SPG7: variants seen among roughly 807,000 people sequenced by gnomAD.
SPG7 encodes mitochondrial inner membrane m-AAA protease component paraplegin.
A neutral mutation model predicts 81.9 loss-of-function variants in SPG7; 103 were observed. The ratio of observed to expected loss-of-function variants is 1.26; its 90% CI spans 1.07 to 1.48. The LOEUF (loss-of-function observed/expected upper bound fraction) is 1.48. Among genes scored for constraint, SPG7 ranks in the 40% most tolerant of loss-of-function variants. The probability of loss-of-function intolerance (pLI) is 0.00; values close to 1 mark genes in which losing one functional copy is unlikely to be tolerated. For missense variants in SPG7, 1,241 were observed against 1,087.3 expected (o/e 1.14, Z -1.99); for synonymous variants, 534 against 444.2 (o/e 1.20, Z -2.54).
chr16:89,510,358 T>G (rs3922634), intron 1 of SPG7, 132 bp from the exon 2 acceptor site: 4 of 667,992 alleles, frequency 6.0e-6, no homozygotes, highest in Non-Finnish European at 1.1e-5. Flanking sequence ...ACTATTACTT[T>G]ATATTTCAGG....
intron 5 of SPG7, chr16:89,526,702 C>T: frequency 2.1e-6 from 1 of 480,974 alleles, no homozygotes; most frequent in Non-Finnish European, 3.8e-6. Flanking sequence ...GATACCAGCA[C>T]CTGAGGATGC....
At chr16:89,542,215 A>G (rs985490928) in intron 9 of SPG7, 4 of 152,240 alleles carry the variant, frequency 2.6e-5, no homozygotes, top group South Asian at 2.1e-4. Context: ...TGTTTATACA[A>G]TCTTTCAGAA....
chr16:89,524,288 C>T lies in SPG7; in HGVS notation c.618+41C>T, dbSNP rs771940655. ...GGAGGCCTGTGAGTGAGGGTGTGGGCACAGGCTGGCAGCCTGTGAGAGTGA... is the reference window on the plus strand; with the variant it reads ...GGAGGCCTGTGAGTGAGGGTGTGGGTACAGGCTGGCAGCCTGTGAGAGTGA... On this transcript the variant is annotated intron_variant, in intron 4 of 16. Transcript: ENST00000645818. 7.4e-5 allele frequency: 117 copies of T among 1,583,234 alleles called. No homozygotes were observed. In the Admixed American group the frequency reaches 1.9e-3, roughly 26 times the overall value.
Position 89,553,453 on chromosome 16 carries a change from C to T in SPG7, c.1936+318C>T, listed in dbSNP as rs1283684962. The T allele has an allele frequency of 9.5e-6, 5 of 524,312 alleles. No individual in the cohort carries two copies. In the African/African-American group the frequency reaches 9.5e-5, roughly 10 times the overall value. 32.5% of individuals were successfully genotyped at this position (524,312 alleles called of 1,614,324 possible). ...TGAAGCCATTACTGCACTGGGATAT[C>T]CAGAGAGCTGAAGGAGGGTCCCGGG... On this transcript the variant is annotated intron_variant, in intron 14 of 16. Transcript: ENST00000645818.
At chr16:89,517,602 G>C (rs2058118435) in intron 3 of SPG7, 1 of 150,734 alleles carries the variant, frequency 6.6e-6, no homozygotes, top group African/African-American at 2.4e-5. Flanking sequence ...CTGCATCTGA[G>C]TAATTGTCGT....
In SPG7 at chr16:89,532,660, C is replaced by T. The variant is rs747921427; in HGVS notation, c.1324+24C>T. On this transcript the variant is annotated intron_variant, in intron 9 of 16. Transcript: ENST00000645818. ...TGGTCAGTGCTCGTGCGCCCCGCACCCCCATTGCACCATCAGAGGAGGTTT... is the reference window on the plus strand; with the variant it reads ...TGGTCAGTGCTCGTGCGCCCCGCACTCCCATTGCACCATCAGAGGAGGTTT... The T allele has an allele frequency of 1.9e-6, 3 of 1,612,402 alleles. No homozygotes were observed. The South Asian group carries it at 3.3e-5, about 18-fold the overall frequency.
chr16:89,554,761 C>CG, intron 16 of SPG7, 198 bp downstream of exon 16: 1 of 584,004 alleles, frequency 1.7e-6, no homozygotes, highest in Non-Finnish European at 3.1e-6. Flanking sequence ...TGTGTTCCCC[C>CG]GAGGTAGAAA....
rs772969307 is a variant in SPG7 at position 89,524,139 on chromosome 16, T to C, written c.510T>C (p.Phe170=). 1 of 1,614,104 alleles carries C rather than the reference T, an allele frequency of 6.2e-7. No individual in the cohort carries two copies. Among genetic ancestry groups the C allele is most frequent in the South Asian group, 1.1e-5 (1 of 91,078 alleles). The change falls in exon 4 of 17, where the codon TTT becomes TTC. Residue 170 remains phenylalanine (F), a synonymous_variant. Transcript: ENST00000645818. The stretch of plus-strand genomic sequence containing the variant: ...GAGGCAGCATTTCCTGGAACGACTT[T>C]GTCCACGAGATGCTGGCCAAGGGCG... ...TSGGSISWND[F]VHEMLAKGEV...
At chr16:89,526,571 T>G in intron 5 of SPG7, 103 bp downstream of exon 5, 1 of 1,272,122 alleles carries the variant, frequency 7.9e-7, no homozygotes, top group Non-Finnish European at 1.1e-6. Flanking sequence ...TTGCCTATAG[T>G]TAACTAGACT....
intron 5 of SPG7, chr16:89,527,170 G>A (rs2058275660): frequency 6.4e-6 from 1 of 155,372 alleles, no homozygotes; most frequent in African/African-American, 2.4e-5. Flanking sequence ...GAGTATAGAT[G>A]CACGTTTTTC....
At chr16:89,554,025 C>T (rs965909311) in intron 15 of SPG7, 65 bp downstream of exon 15, 11 of 1,569,736 alleles carry the variant, frequency 7.0e-6, no homozygotes, top group Non-Finnish European at 9.6e-6. Flanking sequence ...CTGGGTCTAC[C>T]ACACAAGGGT....
intron 8 of SPG7, 59 bp from the exon 9 acceptor site, chr16:89,532,404 G>C: frequency 6.3e-7 from 1 of 1,588,912 alleles, no homozygotes; most frequent in Non-Finnish European, 8.6e-7. Context: ...CCCGGGTACA[G>C]GAAGAGGCTT....
At chr16:89,512,858 C>A in intron 2 of SPG7, 90 bp from the exon 3 acceptor site, 1 of 1,442,692 alleles carries the variant, frequency 6.9e-7, no homozygotes, top group Non-Finnish European at 9.7e-7. Context: ...TTTTGTTTTG[C>A]TTTGGTTATT....
chr16:89,511,769 T>C (rs1376773835), intron 2 of SPG7, among the ~76,000 whole-genome samples: 1 of 152,228 alleles, frequency 6.6e-6, no homozygotes, highest in Non-Finnish European at 1.5e-5. Flanking sequence ...GGTCTTGCCC[T>C]GTTGCCCAGG....
chr16:89,523,532 A>T, intron 3 of SPG7: 1 of 358,494 alleles, frequency 2.8e-6, no homozygotes, highest in South Asian at 2.1e-5. Flanking sequence ...GTGAGCTTGC[A>T]CTTTGCAGCA....
At chr16:89,556,815 C>G (rs554823618) in intron 16 of SPG7, 72 bp from the exon 17 acceptor site, 2 of 1,256,696 alleles carry the variant, frequency 1.6e-6, no homozygotes, top group African/African-American at 2.9e-5. Context: ...ACGCCTCTTG[C>G]CACCTCCCCA....
In SPG7 at chr16:89,546,581, C is replaced by T. The variant is rs893943763; in HGVS notation, c.1450-77C>T. On this transcript the variant is annotated intron_variant, in intron 10 of 16. Transcript: ENST00000645818. ...CCCAGCTACTTGGGGACCCCCCCCCCCCACAGACAAACATGCCGCACCTGT... is the reference window on the plus strand; with the variant it reads ...CCCAGCTACTTGGGGACCCCCCCCCTCCACAGACAAACATGCCGCACCTGT... The T allele has an allele frequency of 4.1e-5, 40 of 968,038 alleles. No individual in the cohort carries two copies. The East Asian group carries it at 4.3e-4, about 10-fold the overall frequency. 60.0% of individuals were successfully genotyped at this position (968,038 alleles called of 1,614,324 possible).
At chr16:89,510,217 C>T (rs2057996210) in intron 1 of SPG7, among the ~76,000 whole-genome samples, 1 of 152,028 alleles carries the variant, frequency 6.6e-6, no homozygotes, top group African/African-American at 2.4e-5. Context: ...TCATGTGATC[C>T]ACCCGCCTCA....
At chr16:89,508,722 C>G (rs1451794855) in intron 1 of SPG7, 122 bp downstream of exon 1, 2 of 1,037,486 alleles carry the variant, frequency 1.9e-6, no homozygotes, top group Non-Finnish European at 1.4e-6. Context: ...CCTGTGGGCC[C>G]GCGGATCCCC....
Sources: allele counts gnomAD v4.1 joint callset (sites outside exome capture counted in the v4.1 genomes callset), GRCh38; gene constraint gnomAD v4.1.1; transcripts MANE v1.5; gene names NCBI Gene and HGNC (gene_info 2026-07-23, HGNC 2026-07-21).